The following SNX29 variants were observed in gnomAD, a reference collection of about 807,000 sequenced individuals.
The protein encoded by SNX29 is sorting nexin-29.
In SNX29, 78 loss-of-function variants were observed where a neutral mutation model predicts 102.1. The observed-to-expected ratio is 0.76, with a 90% CI of 0.64 to 0.92. SNX29 has a LOEUF of 0.92. SNX29 is among the 40% of genes least tolerant of loss of function. SNX29 has a pLI of 0.00. For synonymous variants in SNX29, 580 were observed against 414.5 expected, an observed-to-expected ratio of 1.40 and a Z score of -4.85; for missense variants, 1,280 against 1,061.7, an observed-to-expected ratio of 1.21 and a Z score of -2.86.
intron 13 of SNX29, among the ~76,000 whole-genome samples, chr16:12,196,622 C>CTTTT (rs34779383): frequency 3.9e-5 from 5 of 129,666 alleles, no homozygotes; most frequent in East Asian, 2.2e-4. Flanking sequence ...TTTCTTTTTT[C>CTTTT]TTTTTTTTTT....
At chr16:12,382,278 C>G (rs2083194024) in intron 16 of SNX29, among the ~76,000 whole-genome samples, 1 of 152,146 alleles carries the variant, frequency 6.6e-6, no homozygotes, top group African/African-American at 2.4e-5. Context: ...TTAGAGAGGT[C>G]AGGTGCTTTT....
At chr16:12,254,407 T>C (rs1319067155) in intron 14 of SNX29, among the ~76,000 whole-genome samples, 2 of 152,064 alleles carry the variant, frequency 1.3e-5, no homozygotes, top group Admixed American at 1.3e-4. Context: ...TGCAGCACTT[T>C]GGGAGGCCAA....
Position 12,537,754 on chromosome 16 carries a change from A to T in SNX29, c.2318+12913A>T, listed in dbSNP as rs183866605. On this transcript the variant is annotated intron_variant, in intron 20 of 20. Coordinates refer to ENST00000566228, the MANE Select transcript of SNX29 (RefSeq NM_032167.5). ...TTTTTGGCACAATGACCTCTATCCT[A>T]TGTGGGGTTTGTTTAAACAAAAAAA... Among the ~76,000 whole-genome samples the T allele has an allele frequency of 2.0e-4, 30 of 152,210 alleles. No individual in the cohort carries two copies. The East Asian group carries it at 5.0e-3, about 25-fold the overall frequency.
intron 18 of SNX29, among the ~76,000 whole-genome samples, chr16:12,439,940 G>T (rs1274883155): frequency 6.6e-6 from 1 of 152,170 alleles, no homozygotes; most frequent in East Asian, 1.9e-4. Context: ...CAGCTGGCTG[G>T]CCAAACCGTC....
intron 16 of SNX29, chr16:12,375,063 A>G (rs557572751): frequency 2.0e-5 from 3 of 152,272 alleles, no homozygotes; most frequent in Non-Finnish European, 4.4e-5. Context: ...AAAAAAATGC[A>G]TGGATTGAAA....
At chr16:12,027,595 C>A (rs1041350369) in intron 4 of SNX29, 151 bp downstream of exon 4, 4 of 855,818 alleles carry the variant, frequency 4.7e-6, no homozygotes, top group Middle Eastern at 3.8e-4. Flanking sequence ...TAATAGTAGT[C>A]AAAACGTAAT....
At chr16:12,505,656 G>C (rs958440896) in intron 19 of SNX29, among the ~76,000 whole-genome samples, 27 of 148,810 alleles carry the variant, frequency 1.8e-4, no homozygotes, top group African/African-American at 5.7e-4. Flanking sequence ...GTAGCTGTTG[G>C]AATTGAAAAG....
At chr16:12,357,636 C>T (rs2082175730) in intron 16 of SNX29, among the ~76,000 whole-genome samples, 1 of 152,224 alleles carries the variant, frequency 6.6e-6, no homozygotes, top group Admixed American at 6.5e-5. Flanking sequence ...GCCACCACCC[C>T]TCTCCAGAAC....
chr16:12,366,617 T>C (rs1259153079), intron 16 of SNX29, among the ~76,000 whole-genome samples: 5 of 152,206 alleles, frequency 3.3e-5, no homozygotes, highest in Non-Finnish European at 5.9e-5. Context: ...CAGAGTTTGG[T>C]CTAGAACAGC....
At chr16:12,141,249 A>G (rs191475492) in intron 13 of SNX29, among the ~76,000 whole-genome samples, 1 of 152,348 alleles carries the variant, frequency 6.6e-6, no homozygotes, top group Non-Finnish European at 1.5e-5. Flanking sequence ...ATGAATGGCC[A>G]CAGGACGATT....
intron 1 of SNX29, among the ~76,000 whole-genome samples, chr16:11,978,063 A>T (rs1010770779): frequency 2.0e-5 from 3 of 151,170 alleles, no homozygotes; most frequent in East Asian, 1.9e-4. Flanking sequence ...ATCTCTGTGG[A>T]CCTTTTTTGT....
intron 18 of SNX29, among the ~76,000 whole-genome samples, chr16:12,476,419 T>TATATATATATATATATATATAC (rs2087637660): frequency 4.9e-5 from 2 of 41,198 alleles, no homozygotes; most frequent in African/African-American, 8.9e-5. Flanking sequence ...TATACATATA[T>TATATATATATATATATATATAC]ATATATATAT....
intron 16 of SNX29, among the ~76,000 whole-genome samples, chr16:12,361,797 A>C (rs1323845593): frequency 6.6e-6 from 1 of 152,158 alleles, no homozygotes; most frequent in African/African-American, 2.4e-5. Context: ...AAACCTTAGC[A>C]TCCCCATGCT....
chr16:12,069,222 C>G (rs536084531), intron 10 of SNX29, 90 bp downstream of exon 10: 1 of 1,102,970 alleles, frequency 9.1e-7, no homozygotes, highest in Admixed American at 2.2e-5. Context: ...AGGAGTGCAC[C>G]TGCTAGGATT....
intron 11 of SNX29, among the ~76,000 whole-genome samples, 179 bp from the exon 12 acceptor site, chr16:12,126,454 C>T (rs78324112): frequency 6.6e-6 from 1 of 152,176 alleles, no homozygotes; most frequent in East Asian, 1.9e-4. Flanking sequence ...AGACTGTGCT[C>T]TAAAATCCAG....
intron 20 of SNX29, among the ~76,000 whole-genome samples, chr16:12,564,851 G>C (rs930327475): frequency 6.6e-6 from 1 of 151,182 alleles, no homozygotes; most frequent in Non-Finnish European, 1.5e-5. Flanking sequence ...CAGCTAACAA[G>C]GGCTATGAGA....
chr16:12,543,666 G>T (rs566470235), intron 20 of SNX29, among the ~76,000 whole-genome samples: 96 of 152,348 alleles, frequency 6.3e-4, no homozygotes, highest in African/African-American at 2.2e-3. Context: ...CGCTCTTCCA[G>T]CCTGCATTCA....
intron 13 of SNX29, among the ~76,000 whole-genome samples, chr16:12,151,467 G>GA (rs985874485): frequency 7.9e-5 from 12 of 151,984 alleles, no homozygotes; most frequent in East Asian, 1.9e-4. Flanking sequence ...ACTGTACTCA[G>GA]AAAAAAAAGA....
At chr16:12,250,556 G>C (rs964975820) in intron 14 of SNX29, among the ~76,000 whole-genome samples, 1 of 152,204 alleles carries the variant, frequency 6.6e-6, no homozygotes, top group Non-Finnish European at 1.5e-5. Context: ...TGCTCCACTG[G>C]GTACTGGCTC....
Sources: allele counts gnomAD v4.1 joint callset (sites outside exome capture counted in the v4.1 genomes callset), GRCh38; gene constraint gnomAD v4.1.1; transcripts MANE v1.5; gene names NCBI Gene and HGNC (gene_info 2026-07-23, HGNC 2026-07-21).